The following TBCEL variants were observed in gnomAD, a reference collection of about 807,000 sequenced individuals.
TBCEL encodes tubulin-specific chaperone cofactor E-like protein.
In TBCEL, 15 loss-of-function variants were observed where a neutral mutation model predicts 44.2. The observed-to-expected ratio is 0.34, with a 90% CI of 0.23 to 0.52. TBCEL has a LOEUF of 0.52. TBCEL is among the 20% of genes least tolerant of loss of function. The pLI is 0.95. For missense variants in TBCEL, 319 were observed against 506.3 expected (o/e 0.63, Z 3.55); for synonymous variants, 171 against 185.4 (o/e 0.92, Z 0.63).
chr11:121,073,968 A>G (rs1339808176), intron 8 of TBCEL, among the ~76,000 whole-genome samples: 2 of 151,784 alleles, frequency 1.3e-5, no homozygotes, highest in Non-Finnish European at 2.9e-5. Context: ...GTTATTTGGG[A>G]TGTTTCCATC....
At position 121,053,887 on chromosome 11, in the gene TBCEL, G is replaced by A. The variant is rs547885460; in HGVS notation, c.455+155G>A. On this transcript the variant is annotated intron_variant, in intron 5 of 8. Transcript: ENST00000683345. ...AAGTTATTGGAATGAGAATGTGAGG[G>A]TAATCTAGTAGCATTTCCAGTGGAA... Among the ~76,000 whole-genome samples the A allele has an allele frequency of 8.6e-5, 13 of 151,910 alleles. 1 individual carries two copies. In the South Asian group the frequency reaches 2.5e-3, roughly 29 times the overall value.
rs562694626 is a variant in TBCEL, at chr11:121,052,382, A to G, written c.274-1169A>G. On this transcript the variant is annotated intron_variant, in intron 4 of 8. Coordinates refer to ENST00000683345, the MANE Select transcript of TBCEL (RefSeq NM_001363644.2). ...TTAATCCTACCAACAGATGGGAACT[A>G]TTTTCCCTATTTTACAAATGAGGAA... 3.3e-5 allele frequency among the ~76,000 whole-genome samples: 5 copies of G among 151,868 alleles called. No individual in the cohort carries two copies. The South Asian group carries it at 1.0e-3, about 31-fold the overall frequency.
At chr11:121,065,952 A>G (rs1019636583) in intron 8 of TBCEL, among the ~76,000 whole-genome samples, 5 of 151,760 alleles carry the variant, frequency 3.3e-5, no homozygotes, top group South Asian at 2.1e-4. Flanking sequence ...CTGAGGAACT[A>G]TTGCCTCTAA....
intron 4 of TBCEL, among the ~76,000 whole-genome samples, chr11:121,050,236 C>G (rs1175324063): frequency 1.3e-5 from 2 of 151,626 alleles, no homozygotes; most frequent in African/African-American, 4.8e-5. Flanking sequence ...ACATTTCAAC[C>G]CCATTATAAC....
intron 8 of TBCEL, among the ~76,000 whole-genome samples, chr11:121,078,202 A>G (rs1452718631): frequency 1.3e-5 from 2 of 152,200 alleles, no homozygotes; most frequent in African/African-American, 4.8e-5. Flanking sequence ...TTTATCAATT[A>G]CTGAGAGGAG....
At chr11:121,027,905 A>G (rs1422243702) in intron 1 of TBCEL, among the ~76,000 whole-genome samples, 7 of 152,246 alleles carry the variant, frequency 4.6e-5, no homozygotes, top group Admixed American at 6.5e-5. Flanking sequence ...GACTGAACGT[A>G]TGGTTAAAAA....
At chr11:121,038,908 C>CT (rs1456998988) in intron 2 of TBCEL, among the ~76,000 whole-genome samples, 1 of 152,174 alleles carries the variant, frequency 6.6e-6, no homozygotes, top group Non-Finnish European at 1.5e-5. Context: ...GTTCCCTTAA[C>CT]TGTACTGGAA....
intron 2 of TBCEL, among the ~76,000 whole-genome samples, chr11:121,039,300 G>A (rs944110453): frequency 3.3e-5 from 5 of 152,138 alleles, no homozygotes; most frequent in Admixed American, 2.0e-4. Flanking sequence ...TTTCAAAATG[G>A]CTCAGGATTC....
chr11:121,082,826 G>C (rs1355313470), intron 8 of TBCEL, among the ~76,000 whole-genome samples: 2 of 152,220 alleles, frequency 1.3e-5, no homozygotes, highest in Non-Finnish European at 2.9e-5. Flanking sequence ...CCTTTGTAAG[G>C]AATCAGGGAA....
intron 8 of TBCEL, 55 bp from the exon 9 acceptor site, chr11:121,086,723 C>CCACA (rs1367729028): frequency 1.5e-6 from 2 of 1,344,452 alleles, no homozygotes; most frequent in East Asian, 4.7e-5. Context: ...GGGAAGAAGT[C>CCACA]CACAGTACAT....
Position 121,065,277 on chromosome 11 carries a change from C to T in TBCEL, c.956+5192C>T, listed in dbSNP as rs1325058022. ...GTTTATTCTTGGAAGAAAATTCTCT[C>T]AGGCAGGGGGATTTTACTGCCTCTG... is the stretch of plus-strand genomic sequence containing the variant. On this transcript the variant is annotated intron_variant, in intron 8 of 8. Coordinates refer to ENST00000683345, the MANE Select transcript of TBCEL (RefSeq NM_001363644.2). Among the ~76,000 whole-genome samples the T allele has an allele frequency of 2.0e-5, 3 of 152,132 alleles. No homozygotes were observed. The East Asian group carries it at 5.8e-4, about 29-fold the overall frequency.
At chr11:121,078,244 GTTTATT>G (rs1422518212) in intron 8 of TBCEL, among the ~76,000 whole-genome samples, 2 of 151,948 alleles carry the variant, frequency 1.3e-5, no homozygotes, top group Non-Finnish European at 2.9e-5. Flanking sequence ...TTGTGAATTT[GTTTATT>G]TTTATTTGTT....
At chr11:121,048,980 A>C (rs1945482241) in intron 4 of TBCEL, among the ~76,000 whole-genome samples, 1 of 151,890 alleles carries the variant, frequency 6.6e-6, no homozygotes, top group Non-Finnish European at 1.5e-5. Context: ...ATTATCGCAG[A>C]GCACCTACAC....
chr11:121,048,383 C>T (rs561968733), intron 4 of TBCEL, among the ~76,000 whole-genome samples: 1 of 151,862 alleles, frequency 6.6e-6, no homozygotes, highest in African/African-American at 2.4e-5. Context: ...TGTAAAAGTA[C>T]ACAAATACAG....
At position 121,058,528 on chromosome 11, in the gene TBCEL, G is replaced by A. The variant is rs1945662763; in HGVS notation, c.839+57G>A. The A allele has an allele frequency of 3.8e-6, 6 of 1,595,608 alleles. No individual in the cohort carries two copies. In the South Asian group the frequency reaches 6.6e-5, roughly 18 times the overall value. On this transcript the variant is annotated intron_variant, in intron 7 of 8. Coordinates refer to ENST00000683345, the MANE Select transcript of TBCEL (RefSeq NM_001363644.2). ...TGTGAGGCCTTATTGTTTCATTAAA[G>A]GAATAATGCACTGTTTAGTGGGAGT...
intron 8 of TBCEL, among the ~76,000 whole-genome samples, chr11:121,085,785 T>C (rs1377736353): frequency 6.6e-6 from 1 of 151,958 alleles, no homozygotes; most frequent in African/African-American, 2.4e-5. Flanking sequence ...GGATTCTAGG[T>C]GTGAGCCACC....
intron 4 of TBCEL, among the ~76,000 whole-genome samples, chr11:121,050,840 G>T (rs549427762): frequency 3.5e-4 from 53 of 151,746 alleles, no homozygotes; most frequent in African/African-American, 1.2e-3. Flanking sequence ...AATGTGATCT[G>T]AGTTCATCTC....
At chr11:121,038,558 T>G (rs1012122975) in intron 2 of TBCEL, among the ~76,000 whole-genome samples, 2 of 151,840 alleles carry the variant, frequency 1.3e-5, no homozygotes, top group Non-Finnish European at 2.9e-5. Context: ...GAAGAAGAGT[T>G]CACAAAGTGA....
intron 2 of TBCEL, among the ~76,000 whole-genome samples, chr11:121,044,189 T>C (rs1431502157): frequency 6.6e-6 from 1 of 152,172 alleles, no homozygotes; most frequent in Non-Finnish European, 1.5e-5. Flanking sequence ...ATCTCTCTGC[T>C]GTATTTTTGC....
Sources: allele counts gnomAD v4.1 joint callset (sites outside exome capture counted in the v4.1 genomes callset), GRCh38; gene constraint gnomAD v4.1.1; transcripts MANE v1.5; gene names NCBI Gene and HGNC (gene_info 2026-07-23, HGNC 2026-07-21).